The following MSN variants were observed in gnomAD, a reference collection of about 807,000 sequenced individuals.
MSN encodes the protein moesin.
MSN carries 2 observed loss-of-function variants against 48.0 expected under a neutral mutation model. The observed-to-expected ratio is 0.04, with a 90% CI of 0.02 to 0.13. The LOEUF is 0.13. Among genes scored for constraint, MSN ranks in the 10% least tolerant of loss-of-function variants. MSN has a pLI of 1.00. For synonymous variants in MSN, 146 were observed against 166.9 expected (o/e 0.87, Z 0.97); for missense variants, 267 against 470.1 (o/e 0.57, Z 3.99).
chrX:65,661,366 A>G (rs1007732408), intron 1 of MSN, among the ~76,000 whole-genome samples: 2 of 112,101 alleles, frequency 1.8e-5, no homozygotes, highest in African/African-American at 6.5e-5. Context: ...ATCTATTGAA[A>G]TGATCATACG....
rs182868005 is a variant in MSN at position 65,727,887 on chromosome X, C to A, written c.170C>A (p.Thr57Asn). 8.3e-7 allele frequency: 1 copy of A among 1,207,686 alleles called. No homozygotes were observed. Among genetic ancestry groups the A allele is most frequent in the Admixed American group, 2.2e-5 (1 of 45,992 alleles). ...TACCAGGACACTAAAGGTTTCTCCA[C>A]CTGGCTGAAACTCAATAAGAAGGTA... Reference protein sequence around the residue: ...LQYQDTKGFSTWLKLNKKVTA... With the variant: ...LQYQDTKGFSNWLKLNKKVTA... The change falls in exon 3 of 13, where the codon ACC (threonine) becomes AAC (asparagine). Residue 57 changes from threonine (T) to asparagine (N), a missense_variant. Physicochemically the swap from Thr to Asn is moderately conservative, Grantham distance 65. Around this residue, in one of 5 missense-constraint regions of MSN, gnomAD observed 89 missense variants for 151.0 expected, o/e 0.59. Transcript: ENST00000360270.
chrX:65,592,986 A>G (rs1275121141), intron 1 of MSN, among the ~76,000 whole-genome samples: 2 of 111,652 alleles, frequency 1.8e-5, no homozygotes, highest in African/African-American at 6.5e-5. Context: ...GGTTGCAATG[A>G]GCCTAGATCA....
intron 1 of MSN, among the ~76,000 whole-genome samples, chrX:65,668,456 G>C (rs1033226975): frequency 8.0e-5 from 9 of 111,896 alleles, no homozygotes; most frequent in African/African-American, 2.9e-4. Flanking sequence ...GCACCAGTCT[G>C]AGGAGAGGCC....
At chrX:65,593,618 C>A (rs2148348397) in intron 1 of MSN, among the ~76,000 whole-genome samples, 1 of 112,218 alleles carries the variant, frequency 8.9e-6, no homozygotes, top group African/African-American at 3.2e-5. Flanking sequence ...TCTCAGCTCA[C>A]TGCAACCTCT....
chrX:65,598,456 G>A lies in MSN; in HGVS notation c.-22+9844G>A, dbSNP rs1006696801. On this transcript the variant is annotated intron_variant, in intron 1 of 3. Coordinates refer to the MSN transcript ENST00000609672. ...AGAAACAAGGAAAGACAGAGAGAGA[G>A]AAAAAATATGAATGAATATGATAAT... 7.2e-5 allele frequency among the ~76,000 whole-genome samples: 8 copies of A among 110,632 alleles called. No homozygotes were observed. The East Asian group carries it at 2.0e-3, about 27-fold the overall frequency.
At chrX:65,658,802 A>G (rs2070800552) in intron 1 of MSN, among the ~76,000 whole-genome samples, 1 of 111,240 alleles carries the variant, frequency 9.0e-6, no homozygotes, top group Non-Finnish European at 1.9e-5. Flanking sequence ...CTTTCATATA[A>G]ATCAGCTTGA....
intron 1 of MSN, among the ~76,000 whole-genome samples, chrX:65,629,822 TTC>T (rs752000550): frequency 2.5e-4 from 28 of 112,000 alleles, no homozygotes; most frequent in South Asian, 1.5e-3. Context: ...GGAGATACAA[TTC>T]AAGTTGAGAT....
chrX:65,734,183 G>A (rs2071652373), intron 7 of MSN, among the ~76,000 whole-genome samples: 1 of 111,913 alleles, frequency 8.9e-6, no homozygotes, highest in South Asian at 3.7e-4. Flanking sequence ...GCTGGTGATT[G>A]TGGGTAGGTT....
Position 65,685,863 on chromosome X carries a change from G to A in MSN, c.12+18010G>A, listed in dbSNP as rs759491957. On this transcript the variant is annotated intron_variant, in intron 1 of 12. Coordinates refer to ENST00000360270, the MANE Select transcript of MSN (RefSeq NM_002444.3). ...GACCTCCCAAAGTGTTGGGATTGCA[G>A]GCGTGAGCCACCACGCCTCAGCCAC... Among the ~76,000 whole-genome samples the A allele has an allele frequency of 2.7e-5, 3 of 112,797 alleles. No homozygotes were observed. The East Asian group carries it at 8.4e-4, about 31-fold the overall frequency.
At chrX:65,694,758 G>A (rs976970684) in intron 1 of MSN, among the ~76,000 whole-genome samples, 50 of 112,075 alleles carry the variant, frequency 4.5e-4, no homozygotes, top group Admixed American at 3.3e-3. Flanking sequence ...GGTTGTCTGA[G>A]AATCCATGTG....
chrX:65,609,568 C>T (rs1331290596), intron 1 of MSN, among the ~76,000 whole-genome samples: 1 of 111,278 alleles, frequency 9.0e-6, no homozygotes, highest in African/African-American at 3.3e-5. Context: ...GTCCCAGGGC[C>T]ATAACAGTAT....
chrX:65,677,227 A>G (rs1347340733), intron 1 of MSN, among the ~76,000 whole-genome samples: 9 of 111,582 alleles, frequency 8.1e-5, no homozygotes, highest in Admixed American at 5.7e-4. Flanking sequence ...TGACTAATCT[A>G]TGGTATAGAG....
intron 1 of MSN, among the ~76,000 whole-genome samples, chrX:65,708,428 G>T (rs761363180): frequency 2.8e-4 from 31 of 110,044 alleles, no homozygotes; most frequent in African/African-American, 8.6e-4. Context: ...GAGTAGCTGG[G>T]ATTACAGGTG....
intron 1 of MSN, among the ~76,000 whole-genome samples, chrX:65,624,022 T>C (rs757228936): frequency 1.7e-4 from 19 of 110,787 alleles, no homozygotes; most frequent in Non-Finnish European, 3.2e-4. Context: ...TTGTTTATAG[T>C]ATTCTTTTGT....
intron 1 of MSN, among the ~76,000 whole-genome samples, chrX:65,708,492 C>A (rs764468019): frequency 1.0e-4 from 11 of 109,255 alleles, no homozygotes; most frequent in African/African-American, 3.7e-4. Flanking sequence ...GGGGTTTTGC[C>A]ATGTTGGCCA....
intron 1 of MSN, among the ~76,000 whole-genome samples, chrX:65,643,513 C>T (rs746308923): frequency 9.0e-6 from 1 of 111,556 alleles, no homozygotes; most frequent in Non-Finnish European, 1.9e-5. Flanking sequence ...ACATTCGAAT[C>T]ACCCAGAGAG....
Position 65,697,428 on chromosome X carries a change from A to G in MSN, c.13-19390A>G, listed in dbSNP as rs2071255886. Among the ~76,000 whole-genome samples, 2 of 111,530 alleles carry G rather than the reference A, an allele frequency of 1.8e-5. 1 individual carries two copies. Among genetic ancestry groups the G allele is most frequent in the Admixed American group, 1.9e-4 (2 of 10,535 alleles). ...ATTTATAGGGTGGGGAGGGAAGACA[A>G]GGGGGAGCCAGGGAGTCCGAGCTGT... On this transcript the variant is annotated intron_variant, in intron 1 of 12. Transcript: ENST00000360270.
chrX:65,716,458 T>C (rs927285630), intron 1 of MSN: 1 of 259,856 alleles, frequency 3.8e-6, no homozygotes, highest in African/African-American at 2.8e-5. Flanking sequence ...GTATTTTTAG[T>C]AGAGATGGGG....
At chrX:65,639,289 ACC>A (rs1352680070) in intron 1 of MSN, among the ~76,000 whole-genome samples, 2 of 110,257 alleles carry the variant, frequency 1.8e-5, no homozygotes, top group Admixed American at 9.7e-5. Context: ...GATTACAGGT[ACC>A]CGCCACCACA....
Sources: allele counts gnomAD v4.1 joint callset (sites outside exome capture counted in the v4.1 genomes callset), GRCh38; gene constraint gnomAD v4.1.1; regional missense constraint gnomAD v4.1.1; transcripts MANE v1.5; gene names NCBI Gene and HGNC (gene_info 2026-07-23, HGNC 2026-07-21).